The following IQSEC3 variants were observed in gnomAD, a reference collection of about 807,000 sequenced individuals.
IQSEC3 encodes IQ motif and Sec7 domain ArfGEF 3.
In IQSEC3, 50 loss-of-function variants were observed where a neutral mutation model predicts 105.4. The ratio of observed to expected loss-of-function variants is 0.47; its 90% CI spans 0.38 to 0.60. The LOEUF (loss-of-function observed/expected upper bound fraction) is 0.60, where lower values mean the gene tolerates loss of function less well. Among genes scored for constraint, IQSEC3 ranks in the 20% least tolerant of loss-of-function variants. IQSEC3 has a pLI of 0.00. For missense variants in IQSEC3, 1,415 were observed against 1,630.0 expected (o/e 0.87, Z 2.27); for synonymous variants, 708 against 746.0 (o/e 0.95, Z 0.83).
intron 2 of IQSEC3, among the ~76,000 whole-genome samples, chr12:115,761 G>A (rs1865028507): frequency 2.0e-5 from 3 of 152,174 alleles, no homozygotes; most frequent in Admixed American, 2.0e-4. Flanking sequence ...TTTAACCACA[G>A]TCAGTCTCTC....
At chr12:169,152 CGGG>C (rs1320062929) in intron 12 of IQSEC3, 47 bp downstream of exon 12, 2 of 1,518,764 alleles carry the variant, frequency 1.3e-6, no homozygotes, top group South Asian at 2.2e-5. Flanking sequence ...GGAGGCCACT[CGGG>C]GACCCTGGGT....
At chr12:78,980 AC>A (rs1368413127) in intron 1 of IQSEC3, among the ~76,000 whole-genome samples, 1 of 151,620 alleles carries the variant, frequency 6.6e-6, no homozygotes, top group Non-Finnish European at 1.5e-5. Flanking sequence ...TTGACTTCAC[AC>A]CCTTTCAAAT....
chr12:163,068 C>T (rs1256100239), intron 8 of IQSEC3, among the ~76,000 whole-genome samples: 1 of 151,962 alleles, frequency 6.6e-6, no homozygotes, highest in African/African-American at 2.4e-5. Flanking sequence ...GGTGAACGTG[C>T]GAGGGAAAGA....
intron 1 of IQSEC3, among the ~76,000 whole-genome samples, chr12:93,964 C>G (rs1555074194): frequency 6.6e-6 from 1 of 152,220 alleles, no homozygotes; most frequent in Non-Finnish European, 1.5e-5. Context: ...GAGGCCTCAC[C>G]AGAAGCAGAT....
In IQSEC3 at chr12:138,688, CGGCCGCGGGGCCCCCAGGCCTGGA is replaced by C. The variant is rs782462283; in HGVS notation, c.1331_1354del (p.Ala444_Ala451del). On this transcript the variant is annotated inframe_deletion, in exon 4 of 14. Transcript: ENST00000538872. The surrounding 1 kb of genome is among the most constrained non-coding windows in gnomAD (Gnocchi z 7.1). ...TACCAGCTCCACCAGGCCCTGCAGGCGGCCGCGGGGCCCCCAGGCCTGGAGGCCGAGGGGCGGGCGCCGGAGAGC... is the reference window on the plus strand; with the variant it reads ...TACCAGCTCCACCAGGCCCTGCAGGCGGCCGAGGGGCGGGCGCCGGAGAGC... The C allele has an allele frequency of 7.7e-5, 119 of 1,537,230 alleles. No individual in the cohort carries two copies. In the African/African-American group the frequency reaches 9.9e-4, roughly 13 times the overall value.
intron 12 of IQSEC3, 79 bp from the exon 13 acceptor site, chr12:171,033 A>G (rs1342985835): frequency 1.9e-6 from 3 of 1,565,094 alleles, no homozygotes; most frequent in Non-Finnish European, 2.6e-6. Flanking sequence ...AGCTGCAGAG[A>G]TGCTTGAGGG....
intron 11 of IQSEC3, among the ~76,000 whole-genome samples, chr12:168,480 G>A (rs76075977): frequency 4.1e-4 from 63 of 152,324 alleles, no homozygotes; most frequent in African/African-American, 1.3e-3. Context: ...TGCCAAGTGC[G>A]TTTCACACAA....
At chr12:141,392 TC>T in intron 5 of IQSEC3, 107 bp downstream of exon 5, 1 of 1,207,770 alleles carries the variant, frequency 8.3e-7, no homozygotes, top group Non-Finnish European at 1.2e-6. Flanking sequence ...TCTAACAGCT[TC>T]CAGCTTCCAG....
At position 138,935 on chromosome 12, in the gene IQSEC3, G is replaced by T. The variant is rs1410907391; in HGVS notation, c.1572G>T (p.Ala524=). The T allele has an allele frequency of 6.3e-7, 1 of 1,589,936 alleles. No homozygotes were observed. Among genetic ancestry groups the T allele is most frequent in the East Asian group, 2.3e-5 (1 of 43,880 alleles). The part of the protein sequence containing the change: ...QTVQAPAEPA[A]GKAEQGETSG... Reference sequence around the variant, plus strand: ...TCCAGGCCCCCGCAGAGCCCGCGGCGGGCAAGGCCGAGCAGGGCGAGACCT... The same window carrying T: ...TCCAGGCCCCCGCAGAGCCCGCGGCTGGCAAGGCCGAGCAGGGCGAGACCT... The change falls in exon 4 of 14, where the codon GCG becomes GCT. Residue 524 remains alanine (A), a synonymous_variant. Coordinates refer to ENST00000538872, the MANE Select transcript of IQSEC3 (RefSeq NM_001170738.2). This position sits in a 1 kb window ranked among gnomAD's most constrained non-coding sequence, Gnocchi z 7.1.
At chr12:97,447 C>T (rs969696488) in intron 1 of IQSEC3, among the ~76,000 whole-genome samples, 3 of 152,092 alleles carry the variant, frequency 2.0e-5, no homozygotes, top group African/African-American at 7.2e-5. Context: ...TATTCCTAAG[C>T]TTCCTTCGAT....
chr12:76,051 T>C (rs1206714366), intron 1 of IQSEC3, among the ~76,000 whole-genome samples: 1 of 151,858 alleles, frequency 6.6e-6, no homozygotes, highest in African/African-American at 2.4e-5. Context: ...CCCAGGAAGC[T>C]GCATTAAGAA....
Position 169,117 on chromosome 12 carries a change from C to T in IQSEC3, c.3064+12C>T. 1 of 1,612,316 alleles carries T rather than the reference C, an allele frequency of 6.2e-7. No individual in the cohort carries two copies. The highest frequency in any genetic ancestry group is 1.1e-5 in the South Asian group (1 of 91,052). ...AGGATCGCCGACAGGTGAGCCTCGG[C>T]TCCGCTCAGGGCACCAGTCCCCATG... On this transcript the variant is annotated intron_variant, in intron 12 of 13. Transcript: ENST00000538872.
chr12:99,189 G>A lies in IQSEC3; in HGVS notation c.598G>A (p.Ala200Thr), dbSNP rs782746570. Residue 200 changes from alanine to threonine, a missense_variant, in exon 2 of 14, where the codon GCC becomes ACC. By Grantham distance (58) the Ala-to-Thr change is moderately conservative. Transcript: ENST00000538872. Reference sequence around the variant, plus strand: ...CCAGTTCTGCTGCCCAGCCGCCGACGCCTGCTCCGACCTGGCCTCCCAAAG... The same window carrying A: ...CCAGTTCTGCTGCCCAGCCGCCGACACCTGCTCCGACCTGGCCTCCCAAAG... ...LHQFCCPAADACSDLASQSDG... is the reference protein window; with the variant it reads ...LHQFCCPAADTCSDLASQSDG... The A allele has an allele frequency of 2.3e-5, 37 of 1,598,728 alleles. No homozygotes were observed. The highest frequency in any genetic ancestry group is 1.2e-4 in the African/African-American group (9 of 74,892).
At chr12:162,881 G>A (rs1866959978) in intron 8 of IQSEC3, among the ~76,000 whole-genome samples, 1 of 152,154 alleles carries the variant, frequency 6.6e-6, no homozygotes, top group African/African-American at 2.4e-5. Context: ...TGGGGCAGGG[G>A]ATGCCCTCAA....
chr12:157,154 C>A lies in IQSEC3; in HGVS notation c.2276+7C>A. On this transcript the variant is annotated splice_region_variant and intron_variant, in intron 6 of 13. Coordinates refer to ENST00000538872, the MANE Select transcript of IQSEC3 (RefSeq NM_001170738.2). The stretch of plus-strand genomic sequence containing the variant: ...GGCTCATTGAGGCCTTCAGGTAAGG[C>A]CGCTTCCCAGCTCCACTCCCCAACA... The A allele has an allele frequency of 6.4e-7, 1 of 1,557,614 alleles. No individual in the cohort carries two copies. The highest frequency in any genetic ancestry group is 8.7e-7 in the Non-Finnish European group (1 of 1,151,296).
rs1410907391 is a variant in IQSEC3, at chr12:138,935, G to A, written c.1572G>A (p.Ala524=). ...QTVQAPAEPA[A]GKAEQGETSG... ...TCCAGGCCCCCGCAGAGCCCGCGGC[G>A]GGCAAGGCCGAGCAGGGCGAGACCT... The change falls in exon 4 of 14, where the codon GCG becomes GCA. Residue 524 remains alanine (A), a synonymous_variant. Coordinates refer to ENST00000538872, the MANE Select transcript of IQSEC3 (RefSeq NM_001170738.2). The surrounding 1 kb of genome is among the most constrained non-coding windows in gnomAD (Gnocchi z 7.1). 12 of 1,589,822 alleles carry A rather than the reference G, an allele frequency of 7.5e-6. No homozygotes were observed. Among genetic ancestry groups the A allele is most frequent in the East Asian group, 4.6e-5 (2 of 43,896 alleles).
chr12:91,103 T>C (rs1864069906), intron 1 of IQSEC3, among the ~76,000 whole-genome samples: 1 of 152,134 alleles, frequency 6.6e-6, no homozygotes, highest in African/African-American at 2.4e-5. Context: ...TCTGCTATCC[T>C]CAGCTTGGTG....
intron 1 of IQSEC3, among the ~76,000 whole-genome samples, chr12:82,812 C>T (rs548032808): frequency 1.3e-5 from 2 of 152,328 alleles, no homozygotes; most frequent in South Asian, 4.1e-4. Flanking sequence ...GCAGGCAGTG[C>T]TCCTAGCCTC....
At chr12:172,106 C>T (rs372534771) in intron 13 of IQSEC3, among the ~76,000 whole-genome samples, 4 of 152,174 alleles carry the variant, frequency 2.6e-5, no homozygotes, top group Non-Finnish European at 5.9e-5. Context: ...ACCCTAACCT[C>T]GACCCGGAGG....
Sources: gnomAD v4.1 joint callset for allele counts (sites outside exome capture counted in the v4.1 genomes callset) on GRCh38, gnomAD v4.1.1 for gene constraint, Gnocchi (gnomAD v3.1) non-coding constraint, MANE v1.5 for transcripts, NCBI Gene and HGNC (gene_info 2026-07-23, HGNC 2026-07-21) for gene names.